BBOF1: variants seen among roughly 807,000 people sequenced by gnomAD.
The protein encoded by BBOF1 is basal body orientation factor 1.
BBOF1 carries 62 observed loss-of-function variants against 68.0 expected under a neutral mutation model. The observed-to-expected ratio is 0.91, with a 90% confidence interval of 0.74 to 1.13. The LOEUF (loss-of-function observed/expected upper bound fraction) is 1.13. Ranked by LOEUF, BBOF1 falls within the 50% of genes most tolerant of loss-of-function variation. BBOF1 has a pLI of 0.00. For synonymous variants in BBOF1, 208 were observed against 198.8 expected (o/e 1.05, Z -0.39); for missense variants, 534 against 600.1 (o/e 0.89, Z 1.15).
At chr14:74,074,939 T>A (rs2060595728) in intron 9 of BBOF1, 3 of 1,613,040 alleles carry the variant, frequency 1.9e-6, no homozygotes, top group African/African-American at 2.7e-5. Flanking sequence ...TCAACCTCTA[T>A]GCCAAATAAA....
At chr14:74,079,235 G>C (rs1029160540) in intron 10 of BBOF1, among the ~76,000 whole-genome samples, 1 of 151,514 alleles carries the variant, frequency 6.6e-6, no homozygotes, top group South Asian at 2.1e-4. Flanking sequence ...CCAGCACTTT[G>C]GGAGGCTGAG....
chr14:74,028,208 A>G (rs1225704941), intron 2 of BBOF1, among the ~76,000 whole-genome samples: 1 of 151,944 alleles, frequency 6.6e-6, no homozygotes. Flanking sequence ...TCTCTACAAA[A>G]AATACAAAAA....
intron 11 of BBOF1, among the ~76,000 whole-genome samples, chr14:74,063,165 C>G (rs9652370): frequency 1.3e-5 from 2 of 151,642 alleles, no homozygotes; most frequent in African/African-American, 2.4e-5. Flanking sequence ...ACCTGTTGGC[C>G]GATGTGGCAA....
In BBOF1 at chr14:74,033,965, A is replaced by G. The variant is rs773380523; in HGVS notation, c.352-63A>G. 2.5e-4 allele frequency: 343 copies of G among 1,392,062 alleles called. 1 individual carries two copies. Among genetic ancestry groups the G allele is most frequent in the Non-Finnish European group, 3.2e-4 (326 of 1,027,828 alleles). The allele number at this position is 1,392,062 out of a possible 1,614,324, so 86.2% of individuals were successfully genotyped here. A position where few individuals can be genotyped will look rare whatever the true frequency, so the allele number is the denominator to read the frequency against. Reference sequence around the variant, plus strand: ...TGCAAATGGCGTAAGGCTTCAAATGAAACATGACTTTGTGGGACTTCTGTT... The same window carrying G: ...TGCAAATGGCGTAAGGCTTCAAATGGAACATGACTTTGTGGGACTTCTGTT... On this transcript the variant is annotated intron_variant, in intron 3 of 11. Transcript: ENST00000394009.
chr14:74,065,030 T>C lies in BBOF1; in HGVS notation c.*331T>C. The C allele has an allele frequency of 7.3e-7, 1 of 1,366,514 alleles. No individual in the cohort carries two copies. Among genetic ancestry groups the C allele is most frequent in the Non-Finnish European group, 1.0e-6 (1 of 972,558 alleles). The allele number at this position is 1,366,514 out of a possible 1,614,324, so 84.6% of individuals were successfully genotyped here. A position where few individuals can be genotyped will look rare whatever the true frequency, so the allele number is the denominator to read the frequency against. On this transcript the variant is annotated 3_prime_UTR_variant, in exon 12 of 12. Coordinates refer to ENST00000394009, the MANE Select transcript of BBOF1 (RefSeq NM_025057.3). Reference sequence around the variant, plus strand: ...AATACCCACCTTCTACCCTATCCTCTACCCCATGAACTTTCATTCCTGAGG... The same window carrying C: ...AATACCCACCTTCTACCCTATCCTCCACCCCATGAACTTTCATTCCTGAGG...
chr14:74,062,027 A>T (rs2060353371), intron 11 of BBOF1, among the ~76,000 whole-genome samples: 1 of 139,312 alleles, frequency 7.2e-6, no homozygotes, highest in Admixed American at 7.7e-5. Flanking sequence ...CTGGCCCAAC[A>T]TGGCGAAACC....
rs754989732 is a variant in BBOF1, at chr14:74,034,042, C to T, written c.366C>T (p.Thr122=). The T allele has an allele frequency of 1.6e-5, 26 of 1,595,842 alleles. No individual in the cohort carries two copies. The highest frequency in any genetic ancestry group is 2.1e-5 in the Non-Finnish European group (25 of 1,173,246). ...EEKDKLEQKY[T]RQINELEGQF... Reference sequence around the variant, plus strand: ...TTTGAATACAGGAACAAAAGTATACCAGGCAAATTAATGAACTAGAGGGAC... The same window carrying T: ...TTTGAATACAGGAACAAAAGTATACTAGGCAAATTAATGAACTAGAGGGAC... Residue 122 remains threonine, a synonymous_variant, in exon 4 of 12, where the codon ACC becomes ACT. Coordinates refer to ENST00000394009, the MANE Select transcript of BBOF1 (RefSeq NM_025057.3).
chr14:74,024,071 TA>T (rs2059370026), intron 2 of BBOF1, among the ~76,000 whole-genome samples: 2 of 152,206 alleles, frequency 1.3e-5, no homozygotes, highest in African/African-American at 4.8e-5. Context: ...CCCATGTAGC[TA>T]TAATATTGTT....
chr14:74,056,245 G>A (rs1319524754), intron 9 of BBOF1, among the ~76,000 whole-genome samples: 1 of 141,228 alleles, frequency 7.1e-6, no homozygotes, highest in Non-Finnish European at 1.5e-5. Context: ...CTGTTGCCCA[G>A]GCTGGAGTGC....
At chr14:74,044,730 A>C (rs1319330645) in intron 5 of BBOF1, among the ~76,000 whole-genome samples, 1 of 152,164 alleles carries the variant, frequency 6.6e-6, no homozygotes, top group Non-Finnish European at 1.5e-5. Context: ...ATTCAAGACC[A>C]GCCTGGCCAA....
chr14:74,050,615 G>C (rs2060045469), intron 8 of BBOF1, among the ~76,000 whole-genome samples: 1 of 151,840 alleles, frequency 6.6e-6, no homozygotes, highest in Non-Finnish European at 1.5e-5. Context: ...GGCTGGTCTT[G>C]AACTCCTGGC....
chr14:74,060,319 C>T, intron 11 of BBOF1: 1 of 320,048 alleles, frequency 3.1e-6, no homozygotes, highest in Admixed American at 4.3e-5. Flanking sequence ...TCTTTACATA[C>T]ACTGGCTTTT....
chr14:74,047,639 A>C (rs529190150), intron 6 of BBOF1, among the ~76,000 whole-genome samples: 8 of 151,896 alleles, frequency 5.3e-5, no homozygotes, highest in Non-Finnish European at 1.0e-4. Context: ...GGGTCTCACT[A>C]TGTTGCCTAG....
At chr14:74,057,486 T>A in intron 11 of BBOF1, 6 of 1,420,480 alleles carry the variant, frequency 4.2e-6, no homozygotes, top group Non-Finnish European at 5.5e-6. Context: ...TGTAGAAACC[T>A]ATAGGTTGCC....
At chr14:74,030,556 C>T (rs1051513010) in intron 3 of BBOF1, among the ~76,000 whole-genome samples, 5 of 151,692 alleles carry the variant, frequency 3.3e-5, no homozygotes, top group African/African-American at 1.2e-4. Context: ...AGTGCAGTGG[C>T]GCAATCTCTG....
intron 2 of BBOF1, among the ~76,000 whole-genome samples, chr14:74,025,112 A>C (rs2140953081): frequency 6.6e-6 from 1 of 152,258 alleles, no homozygotes; most frequent in South Asian, 2.1e-4. Context: ...GGTATTATTA[A>C]ATTGCCCTCT....
chr14:74,033,880 A>G, intron 3 of BBOF1, 148 bp from the exon 4 acceptor site: 1 of 338,698 alleles, frequency 3.0e-6, no homozygotes, highest in Non-Finnish European at 5.0e-6. Context: ...TAAATAAATA[A>G]AATAAATAAA....
At chr14:74,039,082 A>G (rs2059774999) in intron 4 of BBOF1, among the ~76,000 whole-genome samples, 1 of 152,196 alleles carries the variant, frequency 6.6e-6, no homozygotes, top group Non-Finnish European at 1.5e-5. Flanking sequence ...ATTAGAAAAT[A>G]AAAATGATCC....
intron 10 of BBOF1, among the ~76,000 whole-genome samples, chr14:74,079,429 G>GTT (rs112520921): frequency 1.5e-4 from 20 of 135,250 alleles, no homozygotes; most frequent in African/African-American, 3.8e-4. Flanking sequence ...TTTTCTTATT[G>GTT]TTTTTTTTTT....
Sources: allele counts gnomAD v4.1 joint callset (sites outside exome capture counted in the v4.1 genomes callset), GRCh38; gene constraint gnomAD v4.1.1; transcripts MANE v1.5; gene names NCBI Gene and HGNC (gene_info 2026-07-23, HGNC 2026-07-21).